The following AP1G1 variants were observed in gnomAD, a reference collection of about 807,000 sequenced individuals.
AP1G1 encodes the protein adaptor related protein complex 1 subunit gamma 1.
Under a neutral mutation model 108.3 loss-of-function variants are expected in AP1G1, and 7 were observed. The observed-to-expected ratio is 0.06, with a 90% CI of 0.04 to 0.12. The LOEUF (loss-of-function observed/expected upper bound fraction) is 0.12, where lower values mean the gene tolerates loss of function less well. Ranked by LOEUF, AP1G1 falls within the 10% of genes least tolerant of loss-of-function variation. AP1G1 has a pLI of 1.00. For synonymous variants in AP1G1, 379 were observed against 353.5 expected (o/e 1.07, Z -0.81); for missense variants, 756 against 1,010.7 (o/e 0.75, Z 3.42).
intron 6 of AP1G1, chr16:71,767,970 A>G (rs1191061772): frequency 2.8e-6 from 4 of 1,421,304 alleles, no homozygotes; most frequent in Non-Finnish European, 3.9e-6. Context: ...CTCATACTAT[A>G]TTACAATAAT....
intron 2 of AP1G1, chr16:71,777,736 T>C (rs2031845544): frequency 4.5e-6 from 2 of 445,384 alleles, no homozygotes; most frequent in African/African-American, 4.1e-5. Context: ...CCTCCACCAC[T>C]TCTTTCTTTC....
intron 5 of AP1G1, 49 bp downstream of exon 5, chr16:71,771,107 C>G: frequency 2.4e-6 from 3 of 1,228,358 alleles, no homozygotes; most frequent in Non-Finnish European, 3.6e-6. Flanking sequence ...AGCCTTTTCT[C>G]TTTCCCTTTC....
intron 2 of AP1G1, among the ~76,000 whole-genome samples, chr16:71,776,706 A>G (rs1476171767): frequency 6.6e-6 from 1 of 152,230 alleles, no homozygotes; most frequent in African/African-American, 2.4e-5. Flanking sequence ...AAAATATTTT[A>G]TTAGGAATAG....
At position 71,731,310 on chromosome 16, in the gene AP1G1, G is replaced by C. The variant is rs2045472884; in HGVS notation, c.*1748C>G. On this transcript the variant is annotated 3_prime_UTR_variant, in exon 23 of 23. Transcript: ENST00000299980. ...TAGTAAGACCAGAAACTTTCCCGTGGAGCCTTTAGTTCAACTCCAGTTTGT... is the reference window on the plus strand; with the variant it reads ...TAGTAAGACCAGAAACTTTCCCGTGCAGCCTTTAGTTCAACTCCAGTTTGT... The C allele has an allele frequency of 6.6e-6, 1 of 152,622 alleles. No homozygotes were observed. Among genetic ancestry groups the C allele is most frequent in the African/African-American group, 2.4e-5 (1 of 41,460 alleles). The allele number at this position is 152,622 out of a possible 1,614,324, so 9.5% of individuals were successfully genotyped here.
At chr16:71,745,023 C>T in intron 19 of AP1G1, 121 bp downstream of exon 19, 3 of 1,047,966 alleles carry the variant, frequency 2.9e-6, no homozygotes, top group East Asian at 2.4e-5. Context: ...TTGACTCTTG[C>T]TTCTGATTTA....
At chr16:71,741,046 G>C (rs2045612872) in intron 19 of AP1G1, among the ~76,000 whole-genome samples, 1 of 152,092 alleles carries the variant, frequency 6.6e-6, no homozygotes, top group African/African-American at 2.4e-5. Flanking sequence ...TCATACAATA[G>C]AAGATAATTC....
intron 11 of AP1G1, chr16:71,758,274 T>C (rs1176214409): frequency 5.5e-6 from 2 of 366,510 alleles, no homozygotes; most frequent in Non-Finnish European, 1.1e-5. Context: ...TCCAGTAGAA[T>C]TACTCCACTG....
chr16:71,768,917 CAAAAAAAAAAA>C (rs58725744), intron 6 of AP1G1, among the ~76,000 whole-genome samples: 1 of 42,188 alleles, frequency 2.4e-5, no homozygotes, highest in Non-Finnish European at 3.9e-5. Context: ...GACTCTGTCT[CAAAAAAAAAAA>C]AAAAAAAAAA....
At chr16:71,750,125 AG>A in intron 14 of AP1G1, 84 bp downstream of exon 14, 1 of 1,536,848 alleles carries the variant, frequency 6.5e-7, no homozygotes. Context: ...AAGGGGAGAG[AG>A]GAGGGGGGAA....
chr16:71,790,791 AAC>A, intron 1 of AP1G1, among the ~76,000 whole-genome samples: 1 of 152,344 alleles, frequency 6.6e-6, no homozygotes, highest in South Asian at 2.1e-4. Flanking sequence ...TCCAGAAGAA[AAC>A]ACAGAGGAAA....
intron 2 of AP1G1, among the ~76,000 whole-genome samples, chr16:71,783,701 A>G (rs991885856): frequency 6.6e-6 from 1 of 152,224 alleles, no homozygotes; most frequent in Non-Finnish European, 1.5e-5. Flanking sequence ...GAGGAAAAAC[A>G]GAATCAGGCC....
intron 1 of AP1G1, chr16:71,807,858 G>T (rs972124752): frequency 7.8e-7 from 1 of 1,286,964 alleles, no homozygotes; most frequent in Non-Finnish European, 1.0e-6. Context: ...ATATAATAGG[G>T]GAGAAAAAAA....
At chr16:71,746,817 T>C (rs922244160) in intron 16 of AP1G1, 125 bp from the exon 17 acceptor site, 9 of 658,016 alleles carry the variant, frequency 1.4e-5, no homozygotes, top group Middle Eastern at 3.5e-4. Flanking sequence ...TCTTAATTTA[T>C]ATAGTTTTTC....
At chr16:71,777,565 C>T (rs1243230963) in intron 2 of AP1G1, 2 of 366,616 alleles carry the variant, frequency 5.5e-6, no homozygotes, top group South Asian at 2.2e-5. Flanking sequence ...ACCTCCAGGC[C>T]GAGAGAGGCC....
chr16:71,750,220 T>C lies in AP1G1; in HGVS notation c.1397A>G (p.Asp466Gly), dbSNP rs751430468. The change falls in exon 14 of 23, where the codon GAT (aspartate) becomes GGT (glycine). Residue 466 changes from aspartate to glycine, a missense_variant. Around this residue, in one of 3 missense-constraint regions of AP1G1, gnomAD observed 357 missense variants for 366.5 expected, o/e 0.97. Transcript: ENST00000299980. ...VQRLYKAILG[D>G]YSQQPLVQVA... ...GAATGAAGTACTTACTTGAGAATAA[T>C]CACCAAGAATTGCTTTGTACAGGCG... 1.2e-6 allele frequency: 2 copies of C among 1,613,806 alleles called. No individual in the cohort carries two copies. Among genetic ancestry groups the C allele is most frequent in the Admixed American group, 3.3e-5 (2 of 59,962 alleles).
chr16:71,738,634 C>G (rs1004438387), intron 21 of AP1G1, among the ~76,000 whole-genome samples: 2 of 152,168 alleles, frequency 1.3e-5, no homozygotes, highest in African/African-American at 4.8e-5. Flanking sequence ...CACTGTATTA[C>G]TAAAGCCTAA....
intron 2 of AP1G1, among the ~76,000 whole-genome samples, chr16:71,782,453 G>C (rs1479069588): frequency 6.0e-5 from 9 of 150,126 alleles, no homozygotes; most frequent in Admixed American, 6.0e-4. Flanking sequence ...TTTAGTCACC[G>C]CACCCAGCCT....
At chr16:71,808,528 G>T in intron 1 of AP1G1, 2 of 1,280,288 alleles carry the variant, frequency 1.6e-6, no homozygotes, top group South Asian at 1.2e-5. Flanking sequence ...CCACAACACG[G>T]AACGCCGCGG....
chr16:71,748,496 C>T, intron 15 of AP1G1, 118 bp from the exon 16 acceptor site: 1 of 1,177,180 alleles, frequency 8.5e-7, no homozygotes, highest in Non-Finnish European at 1.2e-6. Context: ...ACAAAAGCCT[C>T]TAACTCAACC....
Sources: allele counts gnomAD v4.1 joint callset (sites outside exome capture counted in the v4.1 genomes callset), GRCh38; gene constraint gnomAD v4.1.1; regional missense constraint gnomAD v4.1.1; transcripts MANE v1.5; gene names NCBI Gene and HGNC (gene_info 2026-07-23, HGNC 2026-07-21).